Variants in TCF12 observed in about 807,000 individuals in gnomAD.
TCF12 encodes DNA-binding protein HTF4.
A neutral mutation model predicts 86.0 loss-of-function variants in TCF12; 45 were observed. The ratio of observed to expected loss-of-function variants is 0.52; its 90% CI spans 0.41 to 0.67. The LOEUF (loss-of-function observed/expected upper bound fraction) is 0.67. Among genes scored for constraint, TCF12 ranks in the 30% least tolerant of loss-of-function variants. The pLI is 0.00. For synonymous variants in TCF12, 330 were observed against 299.6 expected, an observed-to-expected ratio of 1.10 and a Z score of -1.05; for missense variants, 881 against 859.9, an observed-to-expected ratio of 1.02 and a Z score of -0.31.
chr15:57,164,982 C>G (rs1165575746), intron 5 of TCF12, among the ~76,000 whole-genome samples: 1 of 152,162 alleles, frequency 6.6e-6, no homozygotes. Flanking sequence ...CCCCCCACCA[C>G]AGCAAGAATT....
chr15:57,290,745 A>T (rs1375750244), downstream of TCF12: 6 of 152,144 alleles, frequency 3.9e-5, no homozygotes, highest in Non-Finnish European at 8.8e-5. Flanking sequence ...TGGGAGTTAC[A>T]TGGGGAGACT....
intron 6 of TCF12, among the ~76,000 whole-genome samples, chr15:57,185,278 T>G (rs1267080464): frequency 6.6e-6 from 1 of 152,230 alleles, no homozygotes; most frequent in Non-Finnish European, 1.5e-5. Flanking sequence ...GTACATTGTT[T>G]GCTTCATGCT....
chr15:57,208,248 G>A (rs2057933735), intron 8 of TCF12, among the ~76,000 whole-genome samples: 1 of 151,548 alleles, frequency 6.6e-6, no homozygotes, highest in East Asian at 1.9e-4. Context: ...TGGCCAGGCT[G>A]GTCTTGAACT....
intron 3 of TCF12, among the ~76,000 whole-genome samples, chr15:57,019,480 CAG>C (rs2065344334): frequency 6.6e-6 from 1 of 152,044 alleles, no homozygotes; most frequent in African/African-American, 2.4e-5. Context: ...CCTGGGAACT[CAG>C]AGGGAGGCTA....
At chr15:57,114,877 A>G (rs377400159) in intron 5 of TCF12, among the ~76,000 whole-genome samples, 3 of 152,270 alleles carry the variant, frequency 2.0e-5, no homozygotes. Context: ...TACGTGAATG[A>G]ATGAAAGCTA....
At chr15:56,968,684 A>G (rs4774247) in intron 3 of TCF12, among the ~76,000 whole-genome samples, 97,641 of 152,096 alleles carry the variant, frequency 0.64, 32,295 homozygotes, top group East Asian at 0.79. Flanking sequence ...GTGAACCCCA[A>G]ATATCTGAGA....
chr15:57,007,535 A>G (rs2064455735), intron 3 of TCF12, among the ~76,000 whole-genome samples: 1 of 152,214 alleles, frequency 6.6e-6, no homozygotes. Flanking sequence ...TCACCCTGCC[A>G]TAAACTGTTA....
chr15:57,263,410 C>G, intron 18 of TCF12, 136 bp downstream of exon 18: 1 of 840,948 alleles, frequency 1.2e-6, no homozygotes, highest in Non-Finnish European at 1.8e-6. Context: ...TATGTTGTCT[C>G]ATTTAATCAC....
chr15:57,085,462 C>G (rs774805478), intron 4 of TCF12, among the ~76,000 whole-genome samples: 1 of 152,098 alleles, frequency 6.6e-6, no homozygotes, highest in Non-Finnish European at 1.5e-5. Flanking sequence ...ACTACATGCC[C>G]GTTAGTGTGC....
chr15:57,107,729 TTAA>T (rs1292972731), intron 5 of TCF12, among the ~76,000 whole-genome samples: 2 of 151,466 alleles, frequency 1.3e-5, no homozygotes, highest in South Asian at 2.1e-4. Context: ...TACAAAATAA[TTAA>T]TAATAATAAT....
chr15:57,019,653 G>C (rs756244714), intron 3 of TCF12, among the ~76,000 whole-genome samples: 2 of 152,084 alleles, frequency 1.3e-5, no homozygotes, highest in Non-Finnish European at 2.9e-5. Context: ...CATGAGTCAC[G>C]GGTCCCAGTG....
intron 3 of TCF12, among the ~76,000 whole-genome samples, chr15:56,924,369 G>C (rs935929918): frequency 6.6e-6 from 1 of 152,128 alleles, no homozygotes; most frequent in African/African-American, 2.4e-5. Context: ...ATTACTAAAT[G>C]CCTTCTTTCT....
intron 3 of TCF12, among the ~76,000 whole-genome samples, chr15:56,984,046 T>C (rs942858455): frequency 7.2e-6 from 1 of 138,220 alleles, no homozygotes; most frequent in East Asian, 2.2e-4. Flanking sequence ...TCAAGGATTA[T>C]TGACCTCTTT....
At chr15:57,228,617 C>G (rs921247138) in intron 8 of TCF12, among the ~76,000 whole-genome samples, 1 of 151,972 alleles carries the variant, frequency 6.6e-6, no homozygotes, top group African/African-American at 2.4e-5. Flanking sequence ...TTCTTGCTCT[C>G]CATGACAACC....
intron 7 of TCF12, among the ~76,000 whole-genome samples, chr15:57,193,051 A>G (rs1469008183): frequency 6.6e-6 from 1 of 152,180 alleles, no homozygotes; most frequent in Non-Finnish European, 1.5e-5. Flanking sequence ...GATATAACAA[A>G]ATTTGCAAGG....
intron 3 of TCF12, among the ~76,000 whole-genome samples, chr15:56,932,638 A>T (rs2060298785): frequency 6.6e-6 from 1 of 152,016 alleles, no homozygotes; most frequent in African/African-American, 2.4e-5. Context: ...GTGCAATCTC[A>T]GCTCACTGCA....
At chr15:57,016,808 C>T (rs1348478280) in intron 3 of TCF12, among the ~76,000 whole-genome samples, 2 of 152,006 alleles carry the variant, frequency 1.3e-5, no homozygotes, top group Non-Finnish European at 1.5e-5. Flanking sequence ...TAGTTTCTCC[C>T]TCTGGAACAA....
intron 3 of TCF12, among the ~76,000 whole-genome samples, chr15:56,931,088 C>T (rs1312854456): frequency 1.3e-5 from 2 of 152,048 alleles, no homozygotes; most frequent in African/African-American, 4.8e-5. Context: ...CCCCCCACCC[C>T]AGGGATTGTT....
chr15:57,034,386 G>A (rs911064461), intron 3 of TCF12, among the ~76,000 whole-genome samples: 2 of 151,906 alleles, frequency 1.3e-5, no homozygotes, highest in Non-Finnish European at 2.9e-5. Flanking sequence ...TTATTTAGTC[G>A]AGTTTGTAGC....
Sources: gnomAD v4.1 joint callset for allele counts (sites outside exome capture counted in the v4.1 genomes callset) on GRCh38, gnomAD v4.1.1 for gene constraint, MANE v1.5 for transcripts, NCBI Gene and HGNC (gene_info 2026-07-23, HGNC 2026-07-21) for gene names.